POLR3C: variants seen among roughly 807,000 people sequenced by gnomAD.
POLR3C encodes the protein RNA polymerase III subunit C, also known as DNA-directed RNA polymerase III subunit RPC3.
In POLR3C, 44 loss-of-function variants were observed where a neutral mutation model predicts 65.9. That is an observed-to-expected ratio of 0.67 (90% CI 0.52 to 0.86). POLR3C has a LOEUF of 0.86. POLR3C is among the 40% of genes least tolerant of loss of function. The pLI, the probability that POLR3C is intolerant of heterozygous loss-of-function variation, is 0.00. For missense variants in POLR3C, 576 were observed against 653.2 expected, an observed-to-expected ratio of 0.88 and a Z score of 1.29; for synonymous variants, 263 against 231.6, an observed-to-expected ratio of 1.14 and a Z score of -1.23.
rs1652445138 is a variant in POLR3C at position 145,843,524 on chromosome 1, A to G, written c.*1104A>G. Reference sequence around the variant, plus strand: ...CATCTCTGCCCTCAAGCCAGTCACCATCATTTACTAAGCACCTGTTTTGTG... The same window carrying G: ...CATCTCTGCCCTCAAGCCAGTCACCGTCATTTACTAAGCACCTGTTTTGTG... On this transcript the variant is annotated 3_prime_UTR_variant, in exon 15 of 15. Coordinates refer to ENST00000334163, the MANE Select transcript of POLR3C (RefSeq NM_006468.8). 2.0e-5 allele frequency among the ~76,000 whole-genome samples: 3 copies of G among 152,226 alleles called. No homozygotes were observed. Among genetic ancestry groups the G allele is most frequent in the Admixed American group, 1.3e-4 (2 of 15,278 alleles).
At chr1:145,837,984 C>A in intron 10 of POLR3C, 72 bp from the exon 11 acceptor site, 1 of 1,363,380 alleles carries the variant, frequency 7.3e-7, no homozygotes, top group Non-Finnish European at 1.0e-6. Context: ...ATAGAACAAC[C>A]ACCCCATCTA....
intron 11 of POLR3C, among the ~76,000 whole-genome samples, chr1:145,839,355 T>C (rs1553729775): frequency 6.6e-6 from 1 of 152,174 alleles, no homozygotes; most frequent in African/African-American, 2.4e-5. Flanking sequence ...TTAGTTGCCC[T>C]CCCTTTCTTC....
rs587603396 is a variant in POLR3C, at chr1:145,836,879, G to A, written c.1009+13G>A. 3 of 1,505,598 alleles carry A rather than the reference G, an allele frequency of 2.0e-6. No homozygotes were observed. The highest frequency in any genetic ancestry group is 2.3e-5 in the South Asian group (2 of 86,272). 93.3% of individuals were successfully genotyped at this position (1,505,598 alleles called of 1,614,324 possible). A position where few individuals can be genotyped will look rare whatever the true frequency, so the allele number is the denominator to read the frequency against. On this transcript the variant is annotated intron_variant, in intron 9 of 14. Coordinates refer to ENST00000334163, the MANE Select transcript of POLR3C (RefSeq NM_006468.8). ...ATGTATGTCATCAGTATCCTTACCA[G>A]TTATTTCCTTAGAGTCAGGCAGCCT...
At chr1:145,838,569 G>C (rs1652043566) in intron 11 of POLR3C, among the ~76,000 whole-genome samples, 1 of 152,152 alleles carries the variant, frequency 6.6e-6, no homozygotes, top group Non-Finnish European at 1.5e-5. Context: ...TATAGTCCCA[G>C]CTGCTCGGGA....
At chr1:145,833,145 TCCAACCAA>T in intron 5 of POLR3C, 107 bp from the exon 6 acceptor site, 2 of 636,402 alleles carry the variant, frequency 3.1e-6, no homozygotes, top group Non-Finnish European at 5.5e-6. Flanking sequence ...ATGATTTTTT[TCCAACCAA>T]TGTAATTGTT....
chr1:145,829,404 A>G (rs1651101256), intron 5 of POLR3C, among the ~76,000 whole-genome samples: 2 of 152,234 alleles, frequency 1.3e-5, no homozygotes, highest in African/African-American at 4.8e-5. Flanking sequence ...CCCAGTTTCC[A>G]AAATTACCTC....
chr1:145,838,293 A>G, intron 11 of POLR3C, 87 bp downstream of exon 11: 1 of 996,210 alleles, frequency 1.0e-6, no homozygotes, highest in Non-Finnish European at 1.6e-6. Flanking sequence ...CTGAACCCCC[A>G]AGCAAACTCT....
intron 14 of POLR3C, 135 bp from the exon 15 acceptor site, chr1:145,842,204 T>C: frequency 1.6e-6 from 1 of 614,302 alleles, no homozygotes; most frequent in South Asian, 2.0e-5. Flanking sequence ...AATGATCTAC[T>C]GGTTCTCCTG....
Position 145,833,262 on chromosome 1 carries a change from C to T in POLR3C, c.681C>T (p.Pro227=), listed in dbSNP as rs373089623. 6.9e-6 allele frequency: 11 copies of T among 1,591,358 alleles called. No homozygotes were observed. Among genetic ancestry groups the T allele is most frequent in the Admixed American group, 5.0e-5 (3 of 59,578 alleles). The change falls in exon 6 of 15, where the codon CCC becomes CCT. Residue 227 remains proline (P), a splice_region_variant and synonymous_variant. Transcript: ENST00000334163. ...RPKYTTDNKE[P]IPDDGIYWQA... ...GTTTCTCTAAATCTTTTCCTCAGCC[C>T]ATTCCAGATGATGGGATTTATTGGC...
At chr1:145,837,938 T>A in intron 10 of POLR3C, 118 bp from the exon 11 acceptor site, 1 of 881,612 alleles carries the variant, frequency 1.1e-6, no homozygotes, top group Middle Eastern at 2.4e-4. Flanking sequence ...AATTTTCTGA[T>A]CACTGTTCCT....
chr1:145,840,073 A>T, intron 12 of POLR3C, 43 bp from the exon 13 acceptor site: 1 of 1,559,720 alleles, frequency 6.4e-7, no homozygotes, highest in Non-Finnish European at 8.8e-7. Context: ...GAGCTGCTGA[A>T]ATAGAACTAT....
At position 145,825,725 on chromosome 1, in the gene POLR3C, T is replaced by C. The variant is rs782630337; in HGVS notation, c.-20-32T>C. On this transcript the variant is annotated intron_variant, in intron 1 of 14. Transcript: ENST00000334163. ...GCTCTGCTTCCAGCGTGAAAGACTT[T>C]CTATTGTACCATTTTGGTGTTTTTT... 3.4e-6 allele frequency: 5 copies of C among 1,479,456 alleles called. No individual in the cohort carries two copies. In the Admixed American group the frequency reaches 9.1e-5, roughly 27 times the overall value. 91.6% of individuals were successfully genotyped at this position (1,479,456 alleles called of 1,614,324 possible). A position where few individuals can be genotyped will look rare whatever the true frequency, so the allele number is the denominator to read the frequency against.
At chr1:145,836,016 A>G (rs1004310423) in intron 7 of POLR3C, among the ~76,000 whole-genome samples, 1 of 151,760 alleles carries the variant, frequency 6.6e-6, no homozygotes, top group Non-Finnish European at 1.5e-5. Flanking sequence ...ATTTTATTTT[A>G]GTGTACTCGG....
chr1:145,838,084 C>T lies in POLR3C; in HGVS notation c.1099C>T (p.Arg367Cys), dbSNP rs1444607191. 16 of 1,613,822 alleles carry T rather than the reference C, an allele frequency of 9.9e-6. No homozygotes were observed. Among genetic ancestry groups the T allele is most frequent in the African/African-American group, 1.3e-5 (1 of 74,914 alleles). Residue 367 changes from arginine (R) to cysteine (C), a missense_variant, in exon 11 of 15, where the codon CGT (arginine) becomes TGT (cysteine). Coordinates refer to ENST00000334163, the MANE Select transcript of POLR3C (RefSeq NM_006468.8). Reference protein sequence around the residue: ...RFGSRCARIFRLVLQKKHIEQ... With the variant: ...RFGSRCARIFCLVLQKKHIEQ... ...TGGGTCTCGCTGTGCTAGAATATTC[C>T]GTCTAGTTTTGCAGAAGAAACACAT...
Position 145,835,565 on chromosome 1 carries a change from TTTTG to T in POLR3C, c.877-917_877-914del, listed in dbSNP as rs782395630. Among the ~76,000 whole-genome samples the T allele has an allele frequency of 7.3e-5, 11 of 151,670 alleles. No individual in the cohort carries two copies. The South Asian group carries it at 8.3e-4, about 11-fold the overall frequency. On this transcript the variant is annotated intron_variant, in intron 7 of 14. Transcript: ENST00000334163. ...CTATTCATATGGCTTTTTGGTTGGG[TTTTG>T]TTTGTTTGTTTTTGTTTTTTTGTGA...
At position 145,844,262 on chromosome 1, in the gene POLR3C, C is replaced by T. The variant is rs12039749; in HGVS notation, c.*1842C>T. Among the ~76,000 whole-genome samples, 1 of 152,152 alleles carries T rather than the reference C, an allele frequency of 6.6e-6. No homozygotes were observed. Among genetic ancestry groups the T allele is most frequent in the Non-Finnish European group, 1.5e-5 (1 of 68,032 alleles). On this transcript the variant is annotated 3_prime_UTR_variant, in exon 15 of 15. Transcript: ENST00000334163. ...ACGATAGCCAAAACATGGAATCAAC[C>T]TAAGTGCCCATCAATAGATGAAAGG...
intron 14 of POLR3C, among the ~76,000 whole-genome samples, chr1:145,841,754 TAG>T (rs1206206285): frequency 1.3e-5 from 2 of 152,140 alleles, no homozygotes; most frequent in Non-Finnish European, 2.9e-5. Context: ...CATCCATGAA[TAG>T]AGAGAGTTTT....
chr1:145,825,265 C>T (rs142299644), intron 1 of POLR3C, among the ~76,000 whole-genome samples: 68 of 152,160 alleles, frequency 4.5e-4, no homozygotes, highest in African/African-American at 1.3e-3. Flanking sequence ...CCCGCCACCA[C>T]GCCCAGCTAA....
intron 5 of POLR3C, among the ~76,000 whole-genome samples, chr1:145,830,885 C>G (rs1553726996): frequency 6.6e-6 from 1 of 151,844 alleles, no homozygotes; most frequent in Non-Finnish European, 1.5e-5. Flanking sequence ...AGAAGAATCA[C>G]TTGAGCCCAG....
Sources: gnomAD v4.1 joint callset for allele counts (sites outside exome capture counted in the v4.1 genomes callset) on GRCh38, gnomAD v4.1.1 for gene constraint, MANE v1.5 for transcripts, NCBI Gene and HGNC (gene_info 2026-07-23, HGNC 2026-07-21) for gene names.